MMRN1: variants seen among roughly 807,000 people sequenced by gnomAD.
MMRN1 encodes multimerin 1.
A neutral mutation model predicts 100.7 loss-of-function variants in MMRN1; 94 were observed. That is an observed-to-expected ratio of 0.93 (90% CI 0.79 to 1.11). The LOEUF (loss-of-function observed/expected upper bound fraction) is 1.11, where lower values mean the gene tolerates loss of function less well. MMRN1 is among the 50% of genes least tolerant of loss of function. The pLI, the probability that MMRN1 is intolerant of heterozygous loss-of-function variation, is 0.00. For missense variants in MMRN1, 1,606 were observed against 1,439.1 expected (o/e 1.12, Z -1.88); for synonymous variants, 575 against 505.0 (o/e 1.14, Z -1.86).
At position 89,935,545 on chromosome 4, in the gene MMRN1, C is replaced by G; in HGVS notation, c.1865C>G (p.Ala622Gly). 1.9e-6 allele frequency: 3 copies of G among 1,613,080 alleles called. No homozygotes were observed. Among genetic ancestry groups the G allele is most frequent in the Non-Finnish European group, 2.5e-6 (3 of 1,179,608 alleles). Residue 622 changes from alanine to glycine, a missense_variant, in exon 6 of 8, where the codon GCT (alanine) becomes GGT (glycine). Coordinates refer to ENST00000264790, the MANE Select transcript of MMRN1 (RefSeq NM_007351.3). ...TTACATGTGTTAAATCAAACATTGG[C>G]TGAAGTTCTCTTTCCAATGGACAAT... ...ENLHVLNQTL[A>G]EVLFPMDNKM...
chr4:89,929,597 C>T (rs1421815322), intron 5 of MMRN1, among the ~76,000 whole-genome samples: 1 of 152,082 alleles, frequency 6.6e-6, no homozygotes, highest in Non-Finnish European at 1.5e-5. Context: ...ATTAGCCTGT[C>T]AACTGTTTTT....
At chr4:89,913,396 T>C (rs1299239676) in intron 3 of MMRN1, among the ~76,000 whole-genome samples, 2 of 151,284 alleles carry the variant, frequency 1.3e-5, no homozygotes, top group African/African-American at 4.8e-5. Flanking sequence ...AGGGAAAAAG[T>C]CTACTAATGA....
chr4:89,936,367 T>G lies in MMRN1; in HGVS notation c.2687T>G (p.Leu896Arg). ...AATGAGAGAGATCAGGCTCTTCAACTGCAAGTATTAAATTCCAGATTTAAG... is the reference window on the plus strand; with the variant it reads ...AATGAGAGAGATCAGGCTCTTCAACGGCAAGTATTAAATTCCAGATTTAAG... ...VTNERDQALQ[L>R]QVLNSRFKAL... The change falls in exon 6 of 8, where the codon CTG becomes CGG. Residue 896 changes from leucine to arginine, a missense_variant. Transcript: ENST00000264790. The G allele has an allele frequency of 6.2e-7, 1 of 1,610,794 alleles. No individual in the cohort carries two copies. The highest frequency in any genetic ancestry group is 8.5e-7 in the Non-Finnish European group (1 of 1,179,040).
chr4:89,890,262 A>C (rs1157696170), upstream of MMRN1, among the ~76,000 whole-genome samples: 1 of 133,382 alleles, frequency 7.5e-6, no homozygotes, highest in Non-Finnish European at 1.6e-5. Context: ...CCTGTGCTCT[A>C]TGGTGGGAGT....
chr4:89,896,602 ACATGT>A (rs1438458108), intron 1 of MMRN1, among the ~76,000 whole-genome samples: 1 of 152,164 alleles, frequency 6.6e-6, no homozygotes, highest in East Asian at 1.9e-4. Context: ...AAGACACCAG[ACATGT>A]CTTGGGAGCA....
At chr4:89,914,053 C>T (rs1721837591) in intron 3 of MMRN1, among the ~76,000 whole-genome samples, 1 of 151,354 alleles carries the variant, frequency 6.6e-6, no homozygotes, top group South Asian at 2.1e-4. Flanking sequence ...AATTGATGCA[C>T]TGGTTGTATT....
Position 89,935,267 on chromosome 4 carries a change from GA to G in MMRN1, c.1589del (p.Lys530ArgfsTer24), listed in dbSNP as rs756571459. 7.4e-6 allele frequency: 12 copies of G among 1,613,788 alleles called. No homozygotes were observed. In the South Asian group the frequency reaches 1.1e-4, roughly 15 times the overall value. On this transcript the variant is annotated frameshift_variant, in exon 6 of 8. Coordinates refer to ENST00000264790, the MANE Select transcript of MMRN1 (RefSeq NM_007351.3). LOFTEE classifies it high-confidence loss of function. ...LLSTEQVSDQ[K>X]NAPAAESVSN... ...TATCAACTGAACAGGTATCAGACCA[GA>G]AGAATGCTCCAGCTGCTGAGTCAGT... is the stretch of plus-strand genomic sequence containing the variant.
At chr4:89,952,216 G>T (rs1723203208) in intron 7 of MMRN1, among the ~76,000 whole-genome samples, 1 of 152,152 alleles carries the variant, frequency 6.6e-6, no homozygotes, top group African/African-American at 2.4e-5. Flanking sequence ...TTGACTGTGT[G>T]AGAACTGTTA....
intron 6 of MMRN1, among the ~76,000 whole-genome samples, chr4:89,942,801 AATG>A (rs974439438): frequency 7.2e-5 from 11 of 152,158 alleles, no homozygotes; most frequent in African/African-American, 2.7e-4. Context: ...AATGAAAAAA[AATG>A]ATCGCATGTT....
At chr4:89,931,913 T>A (rs1426919223) in intron 5 of MMRN1, among the ~76,000 whole-genome samples, 1 of 152,110 alleles carries the variant, frequency 6.6e-6, no homozygotes, top group East Asian at 1.9e-4. Context: ...CCAAATCTCA[T>A]GTCCTCACAT....
At chr4:89,900,633 T>C (rs182920833) in intron 1 of MMRN1, among the ~76,000 whole-genome samples, 1 of 152,210 alleles carries the variant, frequency 6.6e-6, no homozygotes, top group East Asian at 1.9e-4. Context: ...ACCTTGCCTG[T>C]CTTATTACTA....
At chr4:89,885,512 A>C (rs1344106184) in intron 1 of MMRN1, among the ~76,000 whole-genome samples, 1 of 152,002 alleles carries the variant, frequency 6.6e-6, no homozygotes, top group Admixed American at 6.6e-5. Flanking sequence ...TTCTTCTTCA[A>C]ATGTTTACTA....
chr4:89,951,752 G>A lies in MMRN1; in HGVS notation c.3265+1G>A, dbSNP rs769561719. The A allele has an allele frequency of 1.2e-6, 2 of 1,609,462 alleles. No individual in the cohort carries two copies. Among genetic ancestry groups the A allele is most frequent in the Non-Finnish European group, 1.7e-6 (2 of 1,178,332 alleles). On this transcript the variant is annotated splice_donor_variant, in intron 7 of 7. Coordinates refer to ENST00000264790, the MANE Select transcript of MMRN1 (RefSeq NM_007351.3). LOFTEE classifies it high-confidence loss of function. Reference sequence around the variant, plus strand: ...GTGGAAGAAAATGCTTTAGCTCCAGGTAAAAAAAAAGTATACGCATCTTTG... The same window carrying A: ...GTGGAAGAAAATGCTTTAGCTCCAGATAAAAAAAAAGTATACGCATCTTTG...
chr4:89,903,047 A>C (rs1177468416), intron 1 of MMRN1, among the ~76,000 whole-genome samples: 1 of 152,066 alleles, frequency 6.6e-6, no homozygotes, highest in South Asian at 2.1e-4. Context: ...TTTTAGCCAA[A>C]GCTAAATATC....
chr4:89,916,726 C>T (rs1277540923), intron 3 of MMRN1, among the ~76,000 whole-genome samples: 1 of 148,728 alleles, frequency 6.7e-6, no homozygotes, highest in Non-Finnish European at 1.5e-5. Context: ...TCCTCTCCTT[C>T]TTCTCACTGA....
At chr4:89,950,011 C>T (rs559409526) in intron 6 of MMRN1, among the ~76,000 whole-genome samples, 8 of 152,214 alleles carry the variant, frequency 5.3e-5, no homozygotes, top group Non-Finnish European at 1.2e-4. Context: ...GTAGTATAAG[C>T]GCTGAATTCT....
intron 6 of MMRN1, among the ~76,000 whole-genome samples, chr4:89,949,703 G>A (rs1008322745): frequency 3.3e-5 from 5 of 152,092 alleles, no homozygotes; most frequent in Non-Finnish European, 7.4e-5. Context: ...ATATTGCAGA[G>A]AATATATCAA....
chr4:89,939,808 T>C lies in MMRN1; in HGVS notation c.3118+3010T>C, dbSNP rs185974773. Among the ~76,000 whole-genome samples the C allele has an allele frequency of 2.5e-3, 385 of 152,326 alleles. 3 individuals carry two copies. The highest frequency in any genetic ancestry group is 4.4e-3 in the Non-Finnish European group (297 of 68,018). On this transcript the variant is annotated intron_variant, in intron 6 of 7. Coordinates refer to ENST00000264790, the MANE Select transcript of MMRN1 (RefSeq NM_007351.3). Reference sequence around the variant, plus strand: ...AGCCGATATTTTTAGGGAGTTTCTTTTCTTGAAGATCCAAATACTGACAAG... The same window carrying C: ...AGCCGATATTTTTAGGGAGTTTCTTCTCTTGAAGATCCAAATACTGACAAG...
At position 89,894,979 on chromosome 4, in the gene MMRN1, G is replaced by A. The variant is rs752635655; in HGVS notation, c.8G>A (p.Gly3Glu). 2.4e-5 allele frequency: 38 copies of A among 1,609,460 alleles called. 1 individual carries two copies. In the South Asian group the frequency reaches 3.9e-4, roughly 16 times the overall value. MK[G>E]ARLFVLLSSL... ...TTGCTTCAAACTACTGAGATGAAGGGGGCAAGATTATTTGTCCTTCTTTCT... is the reference window on the plus strand; with the variant it reads ...TTGCTTCAAACTACTGAGATGAAGGAGGCAAGATTATTTGTCCTTCTTTCT... The change falls in exon 1 of 8, where the codon GGG becomes GAG. Residue 3 changes from glycine to glutamate, a missense_variant. Gly to Glu is a moderately conservative substitution (Grantham distance 98, BLOSUM62 -2). Coordinates refer to ENST00000264790, the MANE Select transcript of MMRN1 (RefSeq NM_007351.3).
Sources: gnomAD v4.1 joint callset for allele counts (sites outside exome capture counted in the v4.1 genomes callset) on GRCh38, gnomAD v4.1.1 for gene constraint, MANE v1.5 for transcripts, NCBI Gene and HGNC (gene_info 2026-07-23, HGNC 2026-07-21) for gene names.